The following CHSY3 variants were observed in gnomAD, a reference collection of about 807,000 sequenced individuals.
The protein encoded by CHSY3 is N-acetylgalactosaminyl-proteoglycan 3-beta-glucuronosyltransferase 3.
In CHSY3, 35 loss-of-function variants were observed where a neutral mutation model predicts 67.2. The ratio of observed to expected loss-of-function variants is 0.52; its 90% CI spans 0.40 to 0.69. The LOEUF (loss-of-function observed/expected upper bound fraction) is 0.69, where lower values mean the gene tolerates loss of function less well. Among genes scored for constraint, CHSY3 ranks in the 30% least tolerant of loss-of-function variants. The probability of loss-of-function intolerance (pLI) is 0.00; values close to 1 mark genes in which losing one functional copy is unlikely to be tolerated. For synonymous variants in CHSY3, 474 were observed against 434.7 expected (o/e 1.09, Z -1.12); for missense variants, 1,069 against 1,138.5 (o/e 0.94, Z 0.88).
At chr5:130,022,469 T>A (rs192288544) in intron 2 of CHSY3, among the ~76,000 whole-genome samples, 5 of 152,150 alleles carry the variant, frequency 3.3e-5, no homozygotes, top group Admixed American at 2.0e-4. Flanking sequence ...ATTATATATA[T>A]GGTTGCATTT....
intron 2 of CHSY3, among the ~76,000 whole-genome samples, chr5:129,987,459 G>A (rs1230381972): frequency 1.3e-5 from 2 of 152,162 alleles, no homozygotes; most frequent in Non-Finnish European, 2.9e-5. Flanking sequence ...AACAGGAGAT[G>A]TTTCTTAATT....
chr5:130,185,794 G>C lies in CHSY3; in HGVS notation c.*3G>C, dbSNP rs530208922. The stretch of plus-strand genomic sequence containing the variant: ...GGTACAATCGAACTCTCTCCTGACA[G>C]TCCAGGCAACACATTTTGCCTTTTT... On this transcript the variant is annotated 3_prime_UTR_variant, in exon 3 of 3. Coordinates refer to ENST00000305031, the MANE Select transcript of CHSY3 (RefSeq NM_175856.5). The C allele has an allele frequency of 1.3e-6, 2 of 1,546,932 alleles. No individual in the cohort carries two copies. The highest frequency in any genetic ancestry group is 8.7e-7 in the Non-Finnish European group (1 of 1,147,064).
chr5:130,150,934 T>C (rs908173808), intron 2 of CHSY3, among the ~76,000 whole-genome samples: 3 of 152,228 alleles, frequency 2.0e-5, no homozygotes, highest in African/African-American at 7.2e-5. Flanking sequence ...AAAGAAATCA[T>C]GTGTTTGTGT....
intron 2 of CHSY3, among the ~76,000 whole-genome samples, chr5:130,092,146 C>A (rs1371036103): frequency 6.6e-6 from 1 of 152,196 alleles, no homozygotes; most frequent in East Asian, 1.9e-4. Flanking sequence ...CTATGCACTG[C>A]AGCAGACAGC....
intron 2 of CHSY3, among the ~76,000 whole-genome samples, chr5:129,930,840 C>T (rs888758954): frequency 6.6e-6 from 1 of 152,154 alleles, no homozygotes. Context: ...GATTGAGCAT[C>T]TCTTCTACCC....
chr5:130,181,953 T>G (rs1770261184), intron 2 of CHSY3, among the ~76,000 whole-genome samples: 1 of 151,874 alleles, frequency 6.6e-6, no homozygotes, highest in Admixed American at 6.6e-5. Flanking sequence ...GTATGAATAA[T>G]GCAGCTACGA....
intron 2 of CHSY3, among the ~76,000 whole-genome samples, chr5:130,162,068 A>AGAAG (rs1474476272): frequency 6.6e-6 from 1 of 150,610 alleles, no homozygotes; most frequent in Non-Finnish European, 1.5e-5. Flanking sequence ...AAAGAAAGAA[A>AGAAG]GAAAGAAAAA....
intron 2 of CHSY3, among the ~76,000 whole-genome samples, chr5:130,154,851 TTAGA>T (rs1489939692): frequency 3.3e-5 from 5 of 152,162 alleles, no homozygotes; most frequent in African/African-American, 1.2e-4. Context: ...AGGTAGAGTG[TTAGA>T]TAGAGACTGG....
intron 2 of CHSY3, among the ~76,000 whole-genome samples, chr5:129,957,663 A>T (rs921429057): frequency 3.3e-5 from 5 of 152,100 alleles, no homozygotes; most frequent in Non-Finnish European, 5.9e-5. Flanking sequence ...TTTCACTGTG[A>T]TATTGAAATA....
At chr5:130,044,701 C>T (rs184457894) in intron 2 of CHSY3, among the ~76,000 whole-genome samples, 5 of 151,852 alleles carry the variant, frequency 3.3e-5, no homozygotes, top group South Asian at 2.1e-4. Context: ...ATGAAGGAGG[C>T]GGGATATTTT....
intron 2 of CHSY3, among the ~76,000 whole-genome samples, chr5:130,106,415 T>C (rs1369743997): frequency 1.3e-5 from 2 of 151,682 alleles, no homozygotes; most frequent in Non-Finnish European, 3.0e-5. Flanking sequence ...AAACCAGTTA[T>C]GTAAAACACC....
intron 2 of CHSY3, among the ~76,000 whole-genome samples, chr5:129,990,362 T>C (rs1763325220): frequency 9.0e-6 from 1 of 111,236 alleles, no homozygotes; most frequent in Non-Finnish European, 1.8e-5. Context: ...GGGGCTGAAG[T>C]GGTGTGAGTG....
chr5:130,161,628 A>T (rs1254287287), intron 2 of CHSY3, among the ~76,000 whole-genome samples: 1 of 152,190 alleles, frequency 6.6e-6, no homozygotes, highest in Non-Finnish European at 1.5e-5. Context: ...TAGCATAGCT[A>T]TTTTACAAGG....
intron 2 of CHSY3, chr5:130,141,101 A>G (rs988174121): frequency 7.1e-5 from 19 of 269,030 alleles, no homozygotes; most frequent in Non-Finnish European, 1.1e-4. Flanking sequence ...AATGAGCTGA[A>G]TGAGTATCAA....
intron 2 of CHSY3, among the ~76,000 whole-genome samples, chr5:130,089,224 G>A (rs1209097925): frequency 2.0e-4 from 23 of 116,028 alleles, no homozygotes; most frequent in African/African-American, 7.5e-4. Context: ...GACTGTTGTG[G>A]GGTGGGGGGT....
intron 2 of CHSY3, among the ~76,000 whole-genome samples, chr5:129,984,055 G>A (rs1375979450): frequency 1.3e-5 from 2 of 152,122 alleles, no homozygotes; most frequent in Non-Finnish European, 2.9e-5. Flanking sequence ...TTAGGTTCAA[G>A]AGGTACATGT....
chr5:130,108,429 T>C (rs1767481718), intron 2 of CHSY3, among the ~76,000 whole-genome samples: 1 of 151,724 alleles, frequency 6.6e-6, no homozygotes, highest in Admixed American at 6.6e-5. Flanking sequence ...TACAAATAAA[T>C]AACTTCTCCT....
Position 129,953,507 on chromosome 5 carries a change from G to A in CHSY3, c.1086+45147G>A, listed in dbSNP as rs574393381. On this transcript the variant is annotated intron_variant, in intron 2 of 2. Transcript: ENST00000305031. Reference sequence around the variant, plus strand: ...TGGGTATATACCCAAAAATGGGATTGCTAGGTCAAATGGTATTGCTGGTTC... The same window carrying A: ...TGGGTATATACCCAAAAATGGGATTACTAGGTCAAATGGTATTGCTGGTTC... Among the ~76,000 whole-genome samples the A allele has an allele frequency of 4.0e-4, 61 of 152,262 alleles. 1 individual carries two copies. The highest frequency in any genetic ancestry group is 1.4e-3 in the African/African-American group (60 of 41,556).
intron 2 of CHSY3, among the ~76,000 whole-genome samples, chr5:130,166,357 G>A (rs991289819): frequency 6.6e-5 from 10 of 151,894 alleles, no homozygotes; most frequent in Non-Finnish European, 1.3e-4. Context: ...ACACTTACTG[G>A]GTCTCATGAA....
Sources: allele counts gnomAD v4.1 joint callset (sites outside exome capture counted in the v4.1 genomes callset), GRCh38; gene constraint gnomAD v4.1.1; transcripts MANE v1.5; gene names NCBI Gene and HGNC (gene_info 2026-07-23, HGNC 2026-07-21).